APBA1: variants seen among roughly 807,000 people sequenced by gnomAD.
The protein encoded by APBA1 is amyloid beta precursor protein binding family A member 1.
In APBA1, 55 loss-of-function variants were observed where a neutral mutation model predicts 86.6. The observed-to-expected ratio is 0.64, with a 90% CI of 0.51 to 0.80. APBA1 has a LOEUF of 0.80. APBA1 is among the 30% of genes least tolerant of loss of function. The pLI is 0.00. For missense variants in APBA1, 1,090 were observed against 1,183.0 expected (o/e 0.92, Z 1.15); for synonymous variants, 511 against 493.9 (o/e 1.03, Z -0.46).
At chr9:69,465,582 A>G (rs1631688) in intron 5 of APBA1, 79,202 of 151,722 alleles carry the variant, frequency 0.52, 21,923 homozygotes, top group African/African-American at 0.71. Context: ...TCGTGGAAAC[A>G]GGAAGACAGT....
chr9:69,589,987 C>T (rs971336652), intron 1 of APBA1, among the ~76,000 whole-genome samples: 4 of 152,124 alleles, frequency 2.6e-5, no homozygotes, highest in Non-Finnish European at 4.4e-5. Flanking sequence ...GGGGCTCATG[C>T]CGCTCCTCCT....
At chr9:69,498,598 A>C (rs867059899) in intron 2 of APBA1, among the ~76,000 whole-genome samples, 3 of 152,270 alleles carry the variant, frequency 2.0e-5, no homozygotes, top group Middle Eastern at 3.4e-3. Flanking sequence ...CTGCACCAGC[A>C]GAGCCTGTCT....
At chr9:69,548,939 C>T (rs1298950318) in intron 1 of APBA1, among the ~76,000 whole-genome samples, 1 of 152,218 alleles carries the variant, frequency 6.6e-6, no homozygotes, top group East Asian at 1.9e-4. Flanking sequence ...GGCAGCAGGA[C>T]AGCTGAAGCC....
chr9:69,441,245 A>G, intron 10 of APBA1, 130 bp from the exon 11 acceptor site: 12 of 1,149,350 alleles, frequency 1.0e-5, no homozygotes, highest in Non-Finnish European at 1.4e-5. Context: ...GCTTGCCTGC[A>G]GGCCTCTGGT....
chr9:69,579,718 C>T lies in APBA1; in HGVS notation c.-69-62439G>A, dbSNP rs553870715. On this transcript the variant is annotated intron_variant, in intron 1 of 12. Transcript: ENST00000265381. Reference sequence around the variant, plus strand: ...CACAAAGTGGTAGGTCACAATAATGCATGTTGCCGGATTCCTGTAAATATG... The same window carrying T: ...CACAAAGTGGTAGGTCACAATAATGTATGTTGCCGGATTCCTGTAAATATG... Among the ~76,000 whole-genome samples the T allele has an allele frequency of 1.0e-3, 153 of 152,250 alleles. 4 individuals are homozygous for T. The highest frequency in any genetic ancestry group is 1.2e-3 in the Non-Finnish European group (84 of 68,018).
rs547091954 is a variant in APBA1 at position 69,601,781 on chromosome 9, A to G, written c.-70+70372T>C. ...CCTTTGGCAGTGCTTGAATCAAACA[A>G]TCTCAATAGACAGGAACTTACTTTT... On this transcript the variant is annotated intron_variant, in intron 1 of 12. Transcript: ENST00000265381. 2.6e-5 allele frequency among the ~76,000 whole-genome samples: 4 copies of G among 152,340 alleles called. No homozygotes were observed. The South Asian group carries it at 8.3e-4, about 32-fold the overall frequency.
chr9:69,593,343 C>G (rs1822168805), intron 1 of APBA1, among the ~76,000 whole-genome samples: 2 of 152,140 alleles, frequency 1.3e-5, no homozygotes, highest in African/African-American at 4.8e-5. Context: ...GCAGCAACCA[C>G]ACTATCATGC....
intron 2 of APBA1, among the ~76,000 whole-genome samples, chr9:69,485,385 T>G (rs996869310): frequency 1.3e-5 from 2 of 152,062 alleles, no homozygotes; most frequent in Non-Finnish European, 2.9e-5. Flanking sequence ...TACGTCCAAC[T>G]TCCACCTTGA....
intron 1 of APBA1, among the ~76,000 whole-genome samples, chr9:69,568,152 A>G (rs1837060067): frequency 6.6e-6 from 1 of 152,184 alleles, no homozygotes; most frequent in South Asian, 2.1e-4. Flanking sequence ...CGTAGAGAAG[A>G]GCAACAGAAA....
In APBA1 at chr9:69,627,328, T is replaced by C. The variant is rs543445815; in HGVS notation, c.-70+44825A>G. Among the ~76,000 whole-genome samples the C allele has an allele frequency of 9.2e-5, 14 of 152,186 alleles. 1 individual carries two copies. The South Asian group carries it at 2.9e-3, about 32-fold the overall frequency. ...TCACCCTAGGGTTTTTATTTCTCCT[T>C]CTCTCTCTCAGTCAGATGGTGAAAA... is the stretch of plus-strand genomic sequence containing the variant. On this transcript the variant is annotated intron_variant, in intron 1 of 12. Transcript: ENST00000265381.
chr9:69,606,377 C>T (rs995939666), intron 1 of APBA1, among the ~76,000 whole-genome samples: 1 of 146,638 alleles, frequency 6.8e-6, no homozygotes, highest in Non-Finnish European at 1.5e-5. Context: ...TTCACAAGAA[C>T]TTTACGAGGT....
At chr9:69,669,233 ACTT>A (rs968159480) in intron 1 of APBA1, among the ~76,000 whole-genome samples, 54 of 152,328 alleles carry the variant, frequency 3.5e-4, no homozygotes, top group African/African-American at 1.3e-3. Context: ...AGCAACAATT[ACTT>A]CTTCTTTCTA....
intron 1 of APBA1, among the ~76,000 whole-genome samples, chr9:69,607,418 G>T (rs761756036): frequency 1.3e-5 from 2 of 152,106 alleles, no homozygotes; most frequent in Non-Finnish European, 2.9e-5. Context: ...TCCCTCCCAT[G>T]ACACATGGGA....
intron 2 of APBA1, among the ~76,000 whole-genome samples, chr9:69,477,377 C>G (rs1195624511): frequency 6.6e-6 from 1 of 151,378 alleles, no homozygotes; most frequent in Non-Finnish European, 1.5e-5. Flanking sequence ...CCTGGAAAAT[C>G]GGGTCACTCC....
intron 2 of APBA1, among the ~76,000 whole-genome samples, chr9:69,477,151 C>A (rs574885110): frequency 2.4e-4 from 36 of 152,252 alleles, no homozygotes; most frequent in African/African-American, 8.7e-4. Flanking sequence ...CTCCAGTCTA[C>A]AGCTCCCAGC....
intron 1 of APBA1, among the ~76,000 whole-genome samples, chr9:69,554,289 G>A (rs1337438316): frequency 6.6e-6 from 1 of 152,090 alleles, no homozygotes; most frequent in Non-Finnish European, 1.5e-5. Flanking sequence ...GCAGACTCAG[G>A]GGCATTAAGT....
rs750949378 is a variant in APBA1 at position 69,516,201 on chromosome 9, C to T, written c.1010G>A (p.Arg337Gln). Residue 337 changes from arginine (R) to glutamine (Q), a missense_variant, in exon 2 of 13, where the codon CGG (arginine) becomes CAG (glutamine). Arg to Gln is a conservative substitution (Grantham distance 43, BLOSUM62 1). Coordinates refer to ENST00000265381, the MANE Select transcript of APBA1 (RefSeq NM_001163.4). The surrounding 1 kb of genome is among the most constrained non-coding windows in gnomAD (Gnocchi z 7.3). The part of the protein sequence containing the change: ...GPAGGGEAGQ[R>Q]YSKEKRDAIS... The stretch of plus-strand genomic sequence containing the variant: ...GGCATCGCGCTTCTCCTTGCTGTAC[C>T]GCTGCCCCGCCTCGCCGCCGCCCGC... The T allele has an allele frequency of 2.6e-6, 4 of 1,541,710 alleles. No individual in the cohort carries two copies. Among genetic ancestry groups the T allele is most frequent in the Non-Finnish European group, 3.5e-6 (4 of 1,143,642 alleles).
intron 1 of APBA1, among the ~76,000 whole-genome samples, chr9:69,654,089 G>T (rs1212933515): frequency 7.1e-6 from 1 of 139,902 alleles, no homozygotes; most frequent in African/African-American, 2.7e-5. Flanking sequence ...TCCAGCCTCG[G>T]CAACGAGAGC....
At chr9:69,560,427 A>G (rs964808791) in intron 1 of APBA1, among the ~76,000 whole-genome samples, 3 of 152,172 alleles carry the variant, frequency 2.0e-5, no homozygotes, top group Admixed American at 6.5e-5. Flanking sequence ...AGAGCCCTGA[A>G]GTTATGGAGA....
Sources: gnomAD v4.1 joint callset for allele counts (sites outside exome capture counted in the v4.1 genomes callset) on GRCh38, gnomAD v4.1.1 for gene constraint, Gnocchi (gnomAD v3.1) non-coding constraint, MANE v1.5 for transcripts, NCBI Gene and HGNC (gene_info 2026-07-23, HGNC 2026-07-21) for gene names.